The following RPAP2 variants were observed in gnomAD, a reference collection of about 807,000 sequenced individuals.
RPAP2 encodes the protein putative RNA polymerase II subunit B1 CTD phosphatase RPAP2.
Under a neutral mutation model 73.1 loss-of-function variants are expected in RPAP2, and 52 were observed. The observed-to-expected ratio is 0.71, with a 90% CI of 0.57 to 0.90. The LOEUF (loss-of-function observed/expected upper bound fraction) is 0.90. Ranked by LOEUF, RPAP2 falls within the 40% of genes least tolerant of loss-of-function variation. RPAP2 has a pLI of 0.00. For synonymous variants in RPAP2, 225 were observed against 242.1 expected (o/e 0.93, Z 0.65); for missense variants, 598 against 701.8 (o/e 0.85, Z 1.67).
At chr1:92,322,111 A>G (rs1402517210) in intron 7 of RPAP2, among the ~76,000 whole-genome samples, 1 of 151,322 alleles carries the variant, frequency 6.6e-6, no homozygotes, top group African/African-American at 2.4e-5. Context: ...ACTCCTGGCT[A>G]ATTTTTGTAT....
chr1:92,339,470 T>TAAG lies in RPAP2; in HGVS notation c.1619+3045_1619+3046insGAA, dbSNP rs1653479056. ...CTGCTGTAGGGCATGATGCAAAAAA[T>TAAG]AATAATAATAATTTTGGGACAAATA... On this transcript the variant is annotated intron_variant, in intron 10 of 12. Coordinates refer to ENST00000610020, the MANE Select transcript of RPAP2 (RefSeq NM_024813.3). Among the ~76,000 whole-genome samples the TAAG allele has an allele frequency of 2.6e-5, 4 of 152,116 alleles. No homozygotes were observed. The South Asian group carries it at 8.3e-4, about 32-fold the overall frequency.
Position 92,368,441 on chromosome 1 carries a change from TAG to T in RPAP2, c.1689-12279_1689-12278del, listed in dbSNP as rs1401702549. On this transcript the variant is annotated intron_variant, in intron 11 of 12. Coordinates refer to ENST00000610020, the MANE Select transcript of RPAP2 (RefSeq NM_024813.3). ...ATTGTACTCCACGAGATAAAAAACA[TAG>T]AGATTCATCAGTTTAGCTCTACTTG... 7.9e-5 allele frequency among the ~76,000 whole-genome samples: 12 copies of T among 152,268 alleles called. No homozygotes were observed. The East Asian group carries it at 2.1e-3, about 27-fold the overall frequency.
rs538515236 is a variant in RPAP2, at chr1:92,326,558, G to A, written c.1455+2183G>A. ...ATGCCCTTTGTCTTCAGCTACCGGAGTGGGTAGGGAAGGACCGTCATGGGG... is the reference window on the plus strand; with the variant it reads ...ATGCCCTTTGTCTTCAGCTACCGGAATGGGTAGGGAAGGACCGTCATGGGG... On this transcript the variant is annotated intron_variant, in intron 8 of 12. Coordinates refer to ENST00000610020, the MANE Select transcript of RPAP2 (RefSeq NM_024813.3). Among the ~76,000 whole-genome samples the A allele has an allele frequency of 7.9e-5, 12 of 152,282 alleles. No individual in the cohort carries two copies. The South Asian group carries it at 2.5e-3, about 32-fold the overall frequency.
At chr1:92,320,429 T>G (rs1483307235) in intron 6 of RPAP2, among the ~76,000 whole-genome samples, 170 bp from the exon 7 acceptor site, 2 of 151,984 alleles carry the variant, frequency 1.3e-5, no homozygotes, top group African/African-American at 4.8e-5. Context: ...CGCACCGCCA[T>G]GTCCAGCTAA....
chr1:92,327,202 C>G (rs1652686003), intron 8 of RPAP2, among the ~76,000 whole-genome samples: 1 of 152,112 alleles, frequency 6.6e-6, no homozygotes, highest in African/African-American at 2.4e-5. Flanking sequence ...CATTGTTGAC[C>G]TAGTGATCAT....
intron 11 of RPAP2, among the ~76,000 whole-genome samples, chr1:92,363,263 G>A (rs1409317143): frequency 6.6e-6 from 1 of 152,116 alleles, no homozygotes; most frequent in East Asian, 1.9e-4. Context: ...TAAGCATACG[G>A]TATGGAGAAG....
chr1:92,382,731 C>T (rs569090893), intron 12 of RPAP2, among the ~76,000 whole-genome samples: 195 of 152,300 alleles, frequency 1.3e-3, no homozygotes, highest in African/African-American at 4.3e-3. Context: ...CCTGTTCACT[C>T]TGATGGTAGT....
intron 6 of RPAP2, among the ~76,000 whole-genome samples, chr1:92,320,201 G>C (rs776553920): frequency 6.6e-6 from 1 of 152,106 alleles, no homozygotes; most frequent in Non-Finnish European, 1.5e-5. Context: ...TGAAAAGTGA[G>C]TATAGTTTGG....
chr1:92,335,778 C>T (rs1296975914), intron 9 of RPAP2, among the ~76,000 whole-genome samples: 1 of 152,008 alleles, frequency 6.6e-6, no homozygotes, highest in Non-Finnish European at 1.5e-5. Context: ...AACCAATCAC[C>T]TATTGATACA....
intron 6 of RPAP2, among the ~76,000 whole-genome samples, chr1:92,316,675 A>G (rs948492765): frequency 1.3e-5 from 2 of 152,346 alleles, no homozygotes; most frequent in Non-Finnish European, 1.5e-5. Context: ...TATCTTCAGG[A>G]CAACAAAAAT....
At chr1:92,364,283 G>A (rs1571129002) in intron 11 of RPAP2, among the ~76,000 whole-genome samples, 2 of 152,232 alleles carry the variant, frequency 1.3e-5, no homozygotes, top group Middle Eastern at 3.4e-3. Flanking sequence ...TTATCTCAGG[G>A]TGTAGGTTTT....
chr1:92,301,619 T>A, intron 3 of RPAP2, 29 bp downstream of exon 3: 1 of 964,210 alleles, frequency 1.0e-6, no homozygotes, highest in Non-Finnish European at 1.5e-6. Flanking sequence ...AATTATTAGT[T>A]TTGTAGTATA....
intron 5 of RPAP2, among the ~76,000 whole-genome samples, chr1:92,304,822 T>C (rs1367383189): frequency 6.6e-6 from 1 of 152,100 alleles, no homozygotes; most frequent in Non-Finnish European, 1.5e-5. Context: ...ATTAAAGACA[T>C]AAATGTAAAA....
At chr1:92,331,343 T>C (rs1447274047) in intron 8 of RPAP2, among the ~76,000 whole-genome samples, 1 of 152,200 alleles carries the variant, frequency 6.6e-6, no homozygotes, top group Non-Finnish European at 1.5e-5. Flanking sequence ...CATGTCACAA[T>C]TGGTATACAG....
intron 11 of RPAP2, among the ~76,000 whole-genome samples, chr1:92,356,381 A>G (rs1052074238): frequency 6.6e-6 from 1 of 152,016 alleles, no homozygotes; most frequent in Non-Finnish European, 1.5e-5. Flanking sequence ...CATTTAAGGA[A>G]TTTTTTAGAA....
At chr1:92,345,437 AAGGG>A (rs1030616221) in intron 10 of RPAP2, among the ~76,000 whole-genome samples, 1 of 133,286 alleles carries the variant, frequency 7.5e-6, no homozygotes, top group East Asian at 2.6e-4. Context: ...GGAAGGAAGG[AAGGG>A]AGGGAGGGAG....
Position 92,309,021 on chromosome 1 carries a change from T to TCTCAC in RPAP2, c.488+1747_488+1751dup, listed in dbSNP as rs558505968. 9.7e-3 allele frequency among the ~76,000 whole-genome samples: 1,475 copies of TCTCAC among 152,258 alleles called. 13 individuals are homozygous for TCTCAC. The highest frequency in any genetic ancestry group is 0.012 in the Non-Finnish European group (817 of 68,014). ...GTCTTCCTGTAACCTTTTCCTAAAA[T>TCTCAC]CTCACCATCCTCTATTCAGAATGCT... On this transcript the variant is annotated intron_variant, in intron 6 of 12. Transcript: ENST00000610020.
At chr1:92,366,041 G>T (rs1217794738) in intron 11 of RPAP2, among the ~76,000 whole-genome samples, 4 of 152,174 alleles carry the variant, frequency 2.6e-5, no homozygotes, top group Non-Finnish European at 5.9e-5. Context: ...CTGAGTTGTT[G>T]AGATCTTTCC....
chr1:92,343,155 G>A (rs1330078473), intron 10 of RPAP2, among the ~76,000 whole-genome samples: 2 of 152,188 alleles, frequency 1.3e-5, no homozygotes, highest in African/African-American at 4.8e-5. Context: ...TCCAAGGAGA[G>A]TGCTCATGAG....
Sources: allele counts gnomAD v4.1 joint callset (sites outside exome capture counted in the v4.1 genomes callset), GRCh38; gene constraint gnomAD v4.1.1; transcripts MANE v1.5; gene names NCBI Gene and HGNC (gene_info 2026-07-23, HGNC 2026-07-21).